Variants in GRIK3 observed in about 807,000 individuals in gnomAD.
GRIK3 encodes glutamate receptor ionotropic, kainate 3.
A neutral mutation model predicts 102.5 loss-of-function variants in GRIK3; 29 were observed. The observed-to-expected ratio is 0.28, with a 90% CI of 0.21 to 0.39. The LOEUF (loss-of-function observed/expected upper bound fraction) is 0.39, where lower values mean the gene tolerates loss of function less well. Among genes scored for constraint, GRIK3 ranks in the 10% least tolerant of loss-of-function variants. GRIK3 has a pLI of 1.00. For synonymous variants in GRIK3, 511 were observed against 504.9 expected (o/e 1.01, Z -0.16); for missense variants, 908 against 1,252.4 (o/e 0.73, Z 4.15).
At chr1:36,957,564 TCTGTGAGTCTGTGCC>T (rs1641934147) in intron 1 of GRIK3, among the ~76,000 whole-genome samples, 5 of 112,564 alleles carry the variant, frequency 4.4e-5, no homozygotes, top group Non-Finnish European at 7.3e-5. Flanking sequence ...GCCTGTGTGC[TCTGTGAGTCTGTGCC>T]CTGTGAGTCT....
chr1:36,970,343 G>A (rs1642128154), intron 1 of GRIK3, among the ~76,000 whole-genome samples: 1 of 152,134 alleles, frequency 6.6e-6, no homozygotes, highest in Admixed American at 6.5e-5. Context: ...TTGCCCTCAG[G>A]AAATTCCTTA....
At chr1:36,940,589 A>G (rs1641707933) in intron 1 of GRIK3, among the ~76,000 whole-genome samples, 1 of 152,174 alleles carries the variant, frequency 6.6e-6, no homozygotes, top group African/African-American at 2.4e-5. Flanking sequence ...TAACACTACG[A>G]GTCTTGCTGC....
intron 5 of GRIK3, 105 bp from the exon 6 acceptor site, chr1:36,860,122 C>T (rs12082412): frequency 0.11 from 90,555 of 840,084 alleles, 5,723 homozygotes; most frequent in African/African-American, 0.15. Flanking sequence ...GGCCTGAGGT[C>T]GCAGCTCCCT....
At chr1:37,017,706 G>T (rs1642668739) in intron 1 of GRIK3, among the ~76,000 whole-genome samples, 1 of 152,290 alleles carries the variant, frequency 6.6e-6, no homozygotes, top group South Asian at 2.1e-4. Context: ...ACCTTAGCCA[G>T]CTTTGCTTGC....
At chr1:37,020,827 T>C (rs1365873589) in intron 1 of GRIK3, among the ~76,000 whole-genome samples, 2 of 152,140 alleles carry the variant, frequency 1.3e-5, no homozygotes, top group African/African-American at 4.8e-5. Context: ...AAAGCCAGCA[T>C]GCAGATGGCG....
rs746478247 is a variant in GRIK3, at chr1:36,805,009, C to T, written c.2543G>A (p.Arg848His). The T allele has an allele frequency of 1.4e-5, 23 of 1,614,174 alleles. No homozygotes were observed. The highest frequency in any genetic ancestry group is 1.9e-5 in the Non-Finnish European group (22 of 1,180,026). ...TACCTGCTCTCTCTCTGCTGTTTTG[C>T]GGAGCTTGTACACAAACTCGCCCAC... ...VAVGEFVYKLRKTAEREQRSF... is the reference protein window; with the variant it reads ...VAVGEFVYKLHKTAEREQRSF... Residue 848 changes from arginine (R) to histidine (H), a missense_variant, in exon 15 of 16, where the codon CGC becomes CAC. Physicochemically the swap from Arg to His is conservative, Grantham distance 29 (BLOSUM62 0). Transcript: ENST00000373091.
intron 1 of GRIK3, among the ~76,000 whole-genome samples, chr1:36,972,991 GT>G (rs1447142772): frequency 6.6e-6 from 1 of 152,168 alleles, no homozygotes; most frequent in Non-Finnish European, 1.5e-5. Flanking sequence ...GGCCTTGAAA[GT>G]ACAAAGACCT....
At chr1:36,974,237 T>G (rs907886772) in intron 1 of GRIK3, among the ~76,000 whole-genome samples, 4 of 152,234 alleles carry the variant, frequency 2.6e-5, no homozygotes, top group African/African-American at 7.2e-5. Flanking sequence ...CAGAAAACTC[T>G]TTTTATTAGG....
chr1:36,907,522 G>A (rs909793467), intron 1 of GRIK3, among the ~76,000 whole-genome samples: 1 of 152,186 alleles, frequency 6.6e-6, no homozygotes, highest in Non-Finnish European at 1.5e-5. Flanking sequence ...TTTGGAGGAA[G>A]GCGACAGAAG....
intron 1 of GRIK3, among the ~76,000 whole-genome samples, chr1:36,901,754 T>G (rs907454253): frequency 6.6e-6 from 1 of 152,094 alleles, no homozygotes; most frequent in Non-Finnish European, 1.5e-5. Context: ...CGAAAGAAAT[T>G]CAGATTGGGG....
intron 1 of GRIK3, among the ~76,000 whole-genome samples, chr1:36,949,574 C>CTTTTTTTTTTTTTTTTTTT (rs60157852): frequency 9.0e-5 from 9 of 99,682 alleles, no homozygotes; most frequent in African/African-American, 3.1e-4. Flanking sequence ...CTCTCTCTTT[C>CTTTTTTTTTTTTTTTTTTT]TTTTTTTTTT....
intron 1 of GRIK3, among the ~76,000 whole-genome samples, chr1:36,927,609 GA>G (rs1302734764): frequency 6.6e-6 from 1 of 151,906 alleles, no homozygotes; most frequent in African/African-American, 2.4e-5. Flanking sequence ...TGGCTTTCTA[GA>G]AAAAAATATA....
intron 1 of GRIK3, among the ~76,000 whole-genome samples, chr1:36,934,951 C>G (rs1033448398): frequency 3.9e-5 from 6 of 152,216 alleles, no homozygotes; most frequent in African/African-American, 1.4e-4. Flanking sequence ...TCCTTCCAGG[C>G]CTTGATTTCC....
intron 1 of GRIK3, among the ~76,000 whole-genome samples, chr1:37,006,812 C>A (rs1281902748): frequency 6.6e-6 from 1 of 152,212 alleles, no homozygotes; most frequent in Non-Finnish European, 1.5e-5. Context: ...CTGTGCTCAG[C>A]ACCTTAGGAG....
chr1:36,862,965 C>T lies in GRIK3; in HGVS notation c.787-2948G>A, dbSNP rs570139412. Among the ~76,000 whole-genome samples, 11 of 152,256 alleles carry T rather than the reference C, an allele frequency of 7.2e-5. No homozygotes were observed. In the South Asian group the frequency reaches 1.2e-3, roughly 17 times the overall value. On this transcript the variant is annotated intron_variant, in intron 5 of 15. Coordinates refer to ENST00000373091, the MANE Select transcript of GRIK3 (RefSeq NM_000831.4). ...TAGGTTGGTGTCTTCCTACCTTACT[C>T]GTCTTGGCAATATCAGAACAAGCAA...
intron 10 of GRIK3, among the ~76,000 whole-genome samples, chr1:36,828,799 T>C (rs368322425): frequency 1.3e-5 from 2 of 152,326 alleles, no homozygotes; most frequent in South Asian, 2.1e-4. Context: ...CCTTTAACTT[T>C]TGATGGCAAG....
At chr1:36,816,477 G>A (rs1032448953) in intron 13 of GRIK3, among the ~76,000 whole-genome samples, 4 of 152,194 alleles carry the variant, frequency 2.6e-5, no homozygotes, top group African/African-American at 9.7e-5. Flanking sequence ...AGAGCAGGAG[G>A]AGCAATGAAA....
chr1:36,977,162 C>A (rs1642204294), intron 1 of GRIK3, among the ~76,000 whole-genome samples: 1 of 152,216 alleles, frequency 6.6e-6, no homozygotes, highest in Non-Finnish European at 1.5e-5. Context: ...GTGCAAATTA[C>A]TTCCTTGAGA....
In GRIK3 at chr1:36,942,060, A is replaced by C. The variant is rs1305721315; in HGVS notation, c.116-50964T>G. 3.3e-5 allele frequency among the ~76,000 whole-genome samples: 5 copies of C among 152,232 alleles called. No individual in the cohort carries two copies. The East Asian group carries it at 9.6e-4, about 29-fold the overall frequency. On this transcript the variant is annotated intron_variant, in intron 1 of 15. Coordinates refer to ENST00000373091, the MANE Select transcript of GRIK3 (RefSeq NM_000831.4). ...GCCAAGCACTCTTTGAGGATGCAGG[A>C]GCTCCAAGTTCAGTCCAGGCTTCCA...
Sources: gnomAD v4.1 joint callset for allele counts (sites outside exome capture counted in the v4.1 genomes callset) on GRCh38, gnomAD v4.1.1 for gene constraint, MANE v1.5 for transcripts, NCBI Gene and HGNC (gene_info 2026-07-23, HGNC 2026-07-21) for gene names.